The following CMKLR1 variants were observed in gnomAD, a reference collection of about 807,000 sequenced individuals.
CMKLR1 encodes chemerin chemokine-like receptor 1.
Under a neutral mutation model 8.2 loss-of-function variants are expected in CMKLR1, and 6 were observed. That is an observed-to-expected ratio of 0.73 (90% CI 0.40 to 1.44). The LOEUF is 1.44. Among genes scored for constraint, CMKLR1 ranks in the 40% most tolerant of loss-of-function variants. CMKLR1 has a pLI of 0.02. For missense variants in CMKLR1, 429 were observed against 478.0 expected, an observed-to-expected ratio of 0.90 and a Z score of 0.96; for synonymous variants, 178 against 181.2, an observed-to-expected ratio of 0.98 and a Z score of 0.14.
intron 2 of CMKLR1, among the ~76,000 whole-genome samples, chr12:108,314,283 T>C (rs1891662010): frequency 1.3e-5 from 2 of 152,122 alleles, no homozygotes; most frequent in Admixed American, 1.3e-4. Flanking sequence ...GGCTGGACCA[T>C]ACACTGGAAC....
chr12:108,292,973 C>G lies in CMKLR1; in HGVS notation c.4-14G>C. Reference sequence around the variant, plus strand: ...ATCCTCCATTCTCTGCAAGAGAAGACAGGGACCATTAGAGGAACCCTAGAG... The same window carrying G: ...ATCCTCCATTCTCTGCAAGAGAAGAGAGGGACCATTAGAGGAACCCTAGAG... On this transcript the variant is annotated splice_polypyrimidine_tract_variant and intron_variant, in intron 3 of 3. Transcript: ENST00000550402. 2 of 1,591,648 alleles carry G rather than the reference C, an allele frequency of 1.3e-6. No homozygotes were observed. Among genetic ancestry groups the G allele is most frequent in the Non-Finnish European group, 1.7e-6 (2 of 1,167,600 alleles).
intron 2 of CMKLR1, among the ~76,000 whole-genome samples, chr12:108,306,804 C>T (rs1891419807): frequency 6.6e-6 from 1 of 152,162 alleles, no homozygotes; most frequent in African/African-American, 2.4e-5. Context: ...TCCATGAGAA[C>T]ACGCCCTTGC....
At chr12:108,305,528 T>C (rs1412703752) in intron 2 of CMKLR1, among the ~76,000 whole-genome samples, 3 of 152,088 alleles carry the variant, frequency 2.0e-5, no homozygotes, top group Admixed American at 1.3e-4. Flanking sequence ...GGCCAGTCCA[T>C]TCACCAGATC....
intron 2 of CMKLR1, among the ~76,000 whole-genome samples, chr12:108,299,473 T>C (rs1165658450): frequency 6.6e-6 from 1 of 152,138 alleles, no homozygotes; most frequent in Non-Finnish European, 1.5e-5. Flanking sequence ...CTTCCTGTAG[T>C]AAGTGGAAGG....
intron 2 of CMKLR1, among the ~76,000 whole-genome samples, chr12:108,300,905 C>T (rs543825866): frequency 2.0e-5 from 3 of 152,240 alleles, no homozygotes; most frequent in East Asian, 3.9e-4. Flanking sequence ...GATCACCCTA[C>T]AGGGTCGGGA....
intron 2 of CMKLR1, among the ~76,000 whole-genome samples, chr12:108,317,478 C>T (rs1344713581): frequency 6.6e-6 from 1 of 152,188 alleles, no homozygotes. Context: ...GGGGTGGGCT[C>T]TGTGTAAACC....
rs78126419 is a variant in CMKLR1, at chr12:108,324,685, A to G, written c.-74+5310T>C. 8.4e-4 allele frequency among the ~76,000 whole-genome samples: 128 copies of G among 152,386 alleles called. No individual in the cohort carries two copies. The East Asian group carries it at 0.023, about 27-fold the overall frequency. On this transcript the variant is annotated intron_variant, in intron 2 of 3. Transcript: ENST00000550402. ...CAAAATAATTGTATGCAGTTTAAAA[A>G]TAAAACACATGGTCTTGAAATAATT...
chr12:108,324,259 G>A (rs1397171642), intron 2 of CMKLR1, among the ~76,000 whole-genome samples: 2 of 152,204 alleles, frequency 1.3e-5, no homozygotes, highest in East Asian at 1.9e-4. Context: ...ATGTAGGGGG[G>A]CAGATAGGAA....
At chr12:108,329,904 A>G (rs532966041) in intron 2 of CMKLR1, 91 bp downstream of exon 2, 1 of 152,350 alleles carries the variant, frequency 6.6e-6, no homozygotes, top group Admixed American at 6.5e-5. Flanking sequence ...TGATTATCTC[A>G]GATGGCCACT....
chr12:108,303,469 T>C (rs1007515607), intron 2 of CMKLR1, among the ~76,000 whole-genome samples: 3 of 152,214 alleles, frequency 2.0e-5, no homozygotes, highest in Admixed American at 6.5e-5. Context: ...TAAGCACTGC[T>C]ACTAATGAGA....
rs535278670 is a variant in CMKLR1, at chr12:108,304,537, T to C, written c.-73-10873A>G. Among the ~76,000 whole-genome samples, 7 of 152,306 alleles carry C rather than the reference T, an allele frequency of 4.6e-5. No homozygotes were observed. In the South Asian group the frequency reaches 1.5e-3, roughly 32 times the overall value. On this transcript the variant is annotated intron_variant, in intron 2 of 3. Coordinates refer to ENST00000550402, the MANE Select transcript of CMKLR1 (RefSeq NM_001142343.2). ...CCTGCTTCCACCTCTGTCCTGTTCTTACTCTCCTCTGTCTCATATCTGACT... is the reference window on the plus strand; with the variant it reads ...CCTGCTTCCACCTCTGTCCTGTTCTCACTCTCCTCTGTCTCATATCTGACT...
At chr12:108,301,216 C>T (rs1040497330) in intron 2 of CMKLR1, among the ~76,000 whole-genome samples, 1 of 151,862 alleles carries the variant, frequency 6.6e-6, no homozygotes, top group Non-Finnish European at 1.5e-5. Context: ...GCTGGGACTA[C>T]AGGCACATCC....
intron 2 of CMKLR1, among the ~76,000 whole-genome samples, chr12:108,299,017 T>C (rs945154171): frequency 1.2e-4 from 19 of 152,242 alleles, no homozygotes; most frequent in African/African-American, 4.6e-4. Context: ...TGTCAGGGCC[T>C]CAGATGTGCA....
intron 1 of CMKLR1, 36 bp downstream of exon 1, chr12:108,338,991 C>G (rs916280483): frequency 6.6e-6 from 1 of 152,210 alleles, no homozygotes; most frequent in Admixed American, 6.5e-5. Context: ...CCCTGGCCCC[C>G]CTCAGAAGAC....
At chr12:108,304,023 T>C (rs1566021345) in intron 2 of CMKLR1, among the ~76,000 whole-genome samples, 1 of 152,188 alleles carries the variant, frequency 6.6e-6, no homozygotes, top group Non-Finnish European at 1.5e-5. Context: ...CAGTCCCACT[T>C]TACCAACGGG....
chr12:108,338,812 A>G (rs1399602192), intron 1 of CMKLR1, among the ~76,000 whole-genome samples: 2 of 152,252 alleles, frequency 1.3e-5, no homozygotes, highest in Non-Finnish European at 2.9e-5. Flanking sequence ...ACCAAACTAG[A>G]TGTGGAAATC....
At chr12:108,300,961 G>A (rs1891251594) in intron 2 of CMKLR1, among the ~76,000 whole-genome samples, 1 of 152,164 alleles carries the variant, frequency 6.6e-6, no homozygotes, top group South Asian at 2.1e-4. Flanking sequence ...AGAGGCTCAG[G>A]GGGTGAAAAA....
At chr12:108,308,764 C>G (rs1891476577) in intron 2 of CMKLR1, among the ~76,000 whole-genome samples, 1 of 152,176 alleles carries the variant, frequency 6.6e-6, no homozygotes, top group Admixed American at 6.5e-5. Context: ...GCTCTGAAGG[C>G]CAAAGATTCT....
intron 2 of CMKLR1, among the ~76,000 whole-genome samples, chr12:108,296,487 C>A (rs1220583181): frequency 6.6e-6 from 1 of 152,110 alleles, no homozygotes; most frequent in African/African-American, 2.4e-5. Flanking sequence ...CCAGTGAGTT[C>A]CTGGCCACTT....
Sources: allele counts gnomAD v4.1 joint callset (sites outside exome capture counted in the v4.1 genomes callset), GRCh38; gene constraint gnomAD v4.1.1; transcripts MANE v1.5; gene names NCBI Gene and HGNC (gene_info 2026-07-23, HGNC 2026-07-21).